BBOF1: variants seen among roughly 807,000 people sequenced by gnomAD.
BBOF1 encodes basal body orientation factor 1, also known as basal body-orientation factor 1.
BBOF1 carries 62 observed loss-of-function variants against 68.0 expected under a neutral mutation model. That is an observed-to-expected ratio of 0.91 (90% confidence interval 0.74 to 1.13). The LOEUF is 1.13. Among genes scored for constraint, BBOF1 ranks in the 50% most tolerant of loss-of-function variants. The pLI is 0.00. For missense variants in BBOF1, 534 were observed against 600.1 expected (o/e 0.89, Z 1.15); for synonymous variants, 208 against 198.8 (o/e 1.05, Z -0.39).
At position 74,059,772 on chromosome 14, in the gene BBOF1, CTGAAACTTAGTACT is replaced by C. The variant is rs761272121; in HGVS notation, c.1578+2517_1578+2530del. ...TAATTAATGATTGCTGAAGAGAACC[CTGAAACTTAGTACT>C]TGGCACATATAACAAAAAGTTGATT... On this transcript the variant is annotated intron_variant, in intron 11 of 11. Coordinates refer to ENST00000394009, the MANE Select transcript of BBOF1 (RefSeq NM_025057.3). 213 of 160,118 alleles carry C rather than the reference CTGAAACTTAGTACT, an allele frequency of 1.3e-3. 1 individual carries two copies. Among genetic ancestry groups the C allele is most frequent in the Middle Eastern group, 3.2e-3 (1 of 316 alleles). 9.9% of individuals were successfully genotyped at this position (160,118 alleles called of 1,614,324 possible).
chr14:74,047,292 T>C (rs1046199417), intron 6 of BBOF1, among the ~76,000 whole-genome samples: 2 of 152,074 alleles, frequency 1.3e-5, no homozygotes, highest in Non-Finnish European at 2.9e-5. Flanking sequence ...TGCTTCCTTC[T>C]TGCACCTCTG....
At position 74,022,994 on chromosome 14, in the gene BBOF1, C is replaced by A; in HGVS notation, c.135C>A (p.Val45=). The A allele has an allele frequency of 6.2e-7, 1 of 1,613,130 alleles. No individual in the cohort carries two copies. Among genetic ancestry groups the A allele is most frequent in the South Asian group, 1.1e-5 (1 of 90,832 alleles). The change falls in exon 2 of 12, where the codon GTC becomes GTA. Residue 45 remains valine (V), a synonymous_variant. Coordinates refer to ENST00000394009, the MANE Select transcript of BBOF1 (RefSeq NM_025057.3). ...CCCTTTGGGAGGCCAGGTTGGAAGTCACAGAACTCTCTAGGATTAAGTATC... is the reference window on the plus strand; with the variant it reads ...CCCTTTGGGAGGCCAGGTTGGAAGTAACAGAACTCTCTAGGATTAAGTATC... ...NASLWEARLE[V]TELSRIKYRD...
chr14:74,064,880 A>G lies in BBOF1; in HGVS notation c.*181A>G. The G allele has an allele frequency of 6.2e-7, 1 of 1,614,138 alleles. No homozygotes were observed. Among genetic ancestry groups the G allele is most frequent in the Admixed American group, 1.7e-5 (1 of 59,996 alleles). ...GGAGGATCGAGAGCCGGTGAATGAG[A>G]ACATTGGCAAAGGCACTGGAATGGG... On this transcript the variant is annotated 3_prime_UTR_variant, in exon 12 of 12. Coordinates refer to ENST00000394009, the MANE Select transcript of BBOF1 (RefSeq NM_025057.3).
At chr14:74,074,288 A>AT (rs35478388) in intron 9 of BBOF1, among the ~76,000 whole-genome samples, 15,669 of 130,068 alleles carry the variant, frequency 0.12, 1,098 homozygotes, top group Admixed American at 0.2. Context: ...CTTTCACTAA[A>AT]TTTTTTTTTT....
At chr14:74,064,595 T>A in intron 11 of BBOF1, 93 bp from the exon 12 acceptor site, 1 of 1,230,944 alleles carries the variant, frequency 8.1e-7, no homozygotes, top group Non-Finnish European at 1.2e-6. Flanking sequence ...GGCTTAGACT[T>A]CCCCATGCTC....
intron 1 of BBOF1, among the ~76,000 whole-genome samples, chr14:74,022,573 C>G (rs2059327934): frequency 6.6e-6 from 1 of 152,106 alleles, no homozygotes; most frequent in Non-Finnish European, 1.5e-5. Context: ...GATATGAAAG[C>G]TTTCTGAAAT....
At chr14:74,033,604 C>T (rs1040706399) in intron 3 of BBOF1, among the ~76,000 whole-genome samples, 3 of 151,122 alleles carry the variant, frequency 2.0e-5, no homozygotes, top group Admixed American at 6.6e-5. Flanking sequence ...AGGCCAGGTG[C>T]GGTGGCTTAT....
chr14:74,026,444 CAAAAAAAAAAA>C (rs1166375665), intron 2 of BBOF1, among the ~76,000 whole-genome samples: 9 of 33,082 alleles, frequency 2.7e-4, no homozygotes, highest in East Asian at 9.7e-4. Flanking sequence ...AACTCCATCT[CAAAAAAAAAAA>C]AAAAAAAAAA....
At chr14:74,076,046 A>G (rs184263777) in intron 9 of BBOF1, among the ~76,000 whole-genome samples, 2 of 152,232 alleles carry the variant, frequency 1.3e-5, no homozygotes, top group Non-Finnish European at 2.9e-5. Flanking sequence ...ATCAGAAAGC[A>G]GAACAGTGGT....
At chr14:74,062,594 C>T (rs2060372421) in intron 11 of BBOF1, among the ~76,000 whole-genome samples, 1 of 151,998 alleles carries the variant, frequency 6.6e-6, no homozygotes, top group African/African-American at 2.4e-5. Context: ...GAGAAAGATT[C>T]CATCAAAAAA....
intron 11 of BBOF1, chr14:74,058,637 T>C (rs945775866): frequency 2.6e-5 from 4 of 151,452 alleles, no homozygotes; most frequent in African/African-American, 9.7e-5. Flanking sequence ...ATAACCCCCA[T>C]AGTGTAGGTT....
intron 5 of BBOF1, among the ~76,000 whole-genome samples, chr14:74,042,736 A>G (rs2059849922): frequency 6.6e-6 from 1 of 152,072 alleles, no homozygotes; most frequent in Non-Finnish European, 1.5e-5. Context: ...TGAGCCCAGG[A>G]ATTCGGGGCT....
intron 1 of BBOF1, among the ~76,000 whole-genome samples, chr14:74,022,565 T>C (rs910251173): frequency 1.3e-5 from 2 of 152,106 alleles, no homozygotes; most frequent in East Asian, 1.9e-4. Flanking sequence ...AAAAAAAAGA[T>C]ATGAAAGCTT....
downstream of BBOF1, chr14:74,067,379 C>A (rs1441523926): frequency 6.2e-7 from 1 of 1,612,928 alleles, no homozygotes; most frequent in African/African-American, 1.3e-5. Flanking sequence ...TGATTGATTA[C>A]CTGCATTGAC....
intron 5 of BBOF1, among the ~76,000 whole-genome samples, chr14:74,041,846 G>A (rs1006996582): frequency 1.9e-4 from 29 of 152,146 alleles, no homozygotes; most frequent in African/African-American, 7.0e-4. Context: ...AGACCAGCCT[G>A]GCCAACATGG....
chr14:74,055,542 G>A lies in BBOF1; in HGVS notation c.1287-42G>A, dbSNP rs192423641. ...AAAAAGAAGAGAAGCCTATTTGACC[G>A]TATTTTTCCTTTTCACATTTTTTTC... is the stretch of plus-strand genomic sequence containing the variant. On this transcript the variant is annotated intron_variant, in intron 8 of 11. Transcript: ENST00000394009. 65 of 1,300,406 alleles carry A rather than the reference G, an allele frequency of 5.0e-5. 1 individual carries two copies. Among genetic ancestry groups the A allele is most frequent in the South Asian group, 1.7e-4 (14 of 82,150 alleles). 80.6% of individuals were successfully genotyped at this position (1,300,406 alleles called of 1,614,324 possible).
rs528359521 is a variant in BBOF1 at position 74,055,872 on chromosome 14, T to C, written c.1388+187T>C. Reference sequence around the variant, plus strand: ...AGAATGGGAGATTAATGAATGAGCATGAAAATGAAAGATGAGTTGGAATTA... The same window carrying C: ...AGAATGGGAGATTAATGAATGAGCACGAAAATGAAAGATGAGTTGGAATTA... On this transcript the variant is annotated intron_variant, in intron 9 of 11. Transcript: ENST00000394009. Among the ~76,000 whole-genome samples the C allele has an allele frequency of 6.6e-5, 10 of 152,120 alleles. No individual in the cohort carries two copies. The East Asian group carries it at 1.9e-3, about 29-fold the overall frequency.
At chr14:74,073,917 C>CAAA (rs5809643) in intron 9 of BBOF1, among the ~76,000 whole-genome samples, 6 of 76,982 alleles carry the variant, frequency 7.8e-5, no homozygotes, top group African/African-American at 3.2e-4. Flanking sequence ...GACTCCATCT[C>CAAA]AAAAAAAAAA....
At chr14:74,027,549 G>A (rs1369735886) in intron 2 of BBOF1, among the ~76,000 whole-genome samples, 1 of 151,744 alleles carries the variant, frequency 6.6e-6, no homozygotes, top group Non-Finnish European at 1.5e-5. Context: ...TTGATGAGGA[G>A]GATAATTGCA....
Sources: allele counts gnomAD v4.1 joint callset (sites outside exome capture counted in the v4.1 genomes callset), GRCh38; gene constraint gnomAD v4.1.1; transcripts MANE v1.5; gene names NCBI Gene and HGNC (gene_info 2026-07-23, HGNC 2026-07-21).